SORBS2: variants seen among roughly 807,000 people sequenced by gnomAD.
The protein encoded by SORBS2 is sorbin and SH3 domain containing 2, also known as sorbin and SH3 domain-containing protein 2.
In SORBS2, 46 loss-of-function variants were observed where a neutral mutation model predicts 97.7. The observed-to-expected ratio is 0.47, with a 90% CI of 0.37 to 0.60. The LOEUF (loss-of-function observed/expected upper bound fraction) is 0.60. Among genes scored for constraint, SORBS2 ranks in the 20% least tolerant of loss-of-function variants. The pLI, the probability that SORBS2 is intolerant of heterozygous loss-of-function variation, is 0.00. For synonymous variants in SORBS2, 476 were observed against 473.4 expected (o/e 1.01, Z -0.07); for missense variants, 1,316 against 1,282.3 (o/e 1.03, Z -0.40).
intron 1 of SORBS2, among the ~76,000 whole-genome samples, chr4:185,896,349 C>T (rs957915389): frequency 1.8e-4 from 27 of 152,084 alleles, no homozygotes; most frequent in African/African-American, 5.3e-4. Flanking sequence ...TTTGGGAGGC[C>T]GAGGCAGGTG....
exon 5 of SORBS2, chr4:185,630,563 C>T (rs2096890384): frequency 6.3e-7 from 1 of 1,594,156 alleles, no homozygotes; most frequent in Non-Finnish European, 8.6e-7. Flanking sequence ...TGGGTCTTTC[C>T]AGGCTTCTGT....
chr4:185,877,226 T>C (rs1464609220), intron 1 of SORBS2, among the ~76,000 whole-genome samples: 2 of 152,180 alleles, frequency 1.3e-5, no homozygotes, highest in African/African-American at 2.4e-5. Context: ...AAACCTATTA[T>C]TATAATTTAC....
rs143328011 is a variant in SORBS2, at chr4:185,832,849, G to A, written c.-337-57483C>T. 5.6e-3 allele frequency among the ~76,000 whole-genome samples: 854 copies of A among 152,270 alleles called. 16 individuals are homozygous for A. The highest frequency in any genetic ancestry group is 0.043 in the Admixed American group (653 of 15,288). Reference sequence around the variant, plus strand: ...ACAGTAACCTACTTTCACAGCATAGGTTGGAGACCGTTTCTGAACAAGATA... The same window carrying A: ...ACAGTAACCTACTTTCACAGCATAGATTGGAGACCGTTTCTGAACAAGATA... On this transcript the variant is annotated intron_variant, in intron 1 of 20. Transcript: ENST00000284776.
chr4:185,899,911 G>A (rs2099246808), intron 1 of SORBS2, among the ~76,000 whole-genome samples: 1 of 152,158 alleles, frequency 6.6e-6, no homozygotes, highest in Admixed American at 6.5e-5. Context: ...GCCACAGCCT[G>A]GAGGAAAACA....
chr4:185,833,449 A>T (rs2099206244), intron 1 of SORBS2, among the ~76,000 whole-genome samples: 1 of 152,218 alleles, frequency 6.6e-6, no homozygotes, highest in Non-Finnish European at 1.5e-5. Flanking sequence ...AGTTTGCCTA[A>T]TTAAATCCTT....
rs528265386 is a variant in SORBS2, at chr4:185,930,749, C to T, written c.-338+25447G>A. On this transcript the variant is annotated intron_variant, in intron 1 of 20. Transcript: ENST00000284776. ...TCCTCCAATGCTATCCACTTGTTTC[C>T]AAGCAATGAAAAATCATAGTTTCTA... 5.9e-5 allele frequency among the ~76,000 whole-genome samples: 9 copies of T among 152,224 alleles called. No homozygotes were observed. In the East Asian group the frequency reaches 1.5e-3, roughly 26 times the overall value.
chr4:185,797,251 AT>A (rs1247301410), intron 1 of SORBS2, among the ~76,000 whole-genome samples: 1 of 152,114 alleles, frequency 6.6e-6, no homozygotes, highest in Non-Finnish European at 1.5e-5. Flanking sequence ...GGCTTGACTG[AT>A]TACATCCCTC....
At chr4:185,614,755 G>T in intron 11 of SORBS2, 76 bp downstream of exon 23, 1 of 1,523,072 alleles carries the variant, frequency 6.6e-7, no homozygotes. Context: ...TTTTAGTTTT[G>T]AAAATATACA....
intron 1 of SORBS2, among the ~76,000 whole-genome samples, chr4:185,813,927 G>T (rs2099191401): frequency 6.6e-6 from 1 of 152,074 alleles, no homozygotes; most frequent in South Asian, 2.1e-4. Context: ...AGCCAATCTG[G>T]TCCATGTCTT....
At chr4:185,750,151 A>T (rs528796947) in intron 2 of SORBS2, among the ~76,000 whole-genome samples, 4 of 152,358 alleles carry the variant, frequency 2.6e-5, no homozygotes, top group African/African-American at 7.2e-5. Context: ...CCTGCCACTC[A>T]CTAGACATGT....
intron 2 of SORBS2, among the ~76,000 whole-genome samples, chr4:185,717,336 C>A (rs1190562846): frequency 1.3e-5 from 2 of 152,204 alleles, no homozygotes; most frequent in Non-Finnish European, 2.9e-5. Flanking sequence ...TTTTCTGTTA[C>A]TTCCTGTGAG....
intron 2 of SORBS2, among the ~76,000 whole-genome samples, chr4:185,741,444 C>T (rs1323808283): frequency 3.0e-5 from 4 of 131,280 alleles, no homozygotes; most frequent in African/African-American, 8.8e-5. Context: ...CGCTCTGTCG[C>T]CCAGGCTGAA....
At chr4:185,924,635 T>C (rs1405659174) in intron 1 of SORBS2, among the ~76,000 whole-genome samples, 1 of 152,148 alleles carries the variant, frequency 6.6e-6, no homozygotes, top group Non-Finnish European at 1.5e-5. Context: ...ATTAAAAGAC[T>C]AGGGTGGGAG....
At chr4:185,849,744 A>G (rs1374194037) in intron 1 of SORBS2, among the ~76,000 whole-genome samples, 1 of 152,152 alleles carries the variant, frequency 6.6e-6, no homozygotes, top group Non-Finnish European at 1.5e-5. Context: ...AATTCCAATG[A>G]ATGTGTAACT....
Position 185,623,923 on chromosome 4 carries a change from C to G in SORBS2, c.1206G>C (p.Thr402=), listed in dbSNP as rs760113468. The G allele has an allele frequency of 1.7e-5, 27 of 1,614,090 alleles. No homozygotes were observed. The highest frequency in any genetic ancestry group is 2.3e-5 in the Non-Finnish European group (27 of 1,180,052). The change falls in exon 7 of 15, where the codon ACG becomes ACC. Residue 402 remains threonine, a synonymous_variant. Transcript: ENST00000418609. The surrounding 1 kb of genome is among the most constrained non-coding windows in gnomAD (Gnocchi z 6.4). ...GCACCATGTCCCGGGGCACCTCCTC[C>G]GTGGAGCACTGGCTCCAGGCGCGCA... is the stretch of plus-strand genomic sequence containing the variant.
intron 8 of SORBS2, among the ~76,000 whole-genome samples, chr4:185,618,842 C>T (rs2096666243): frequency 6.6e-6 from 1 of 152,162 alleles, no homozygotes; most frequent in Admixed American, 6.5e-5. Flanking sequence ...TATTCACCAT[C>T]ATATTTAATC....
chr4:185,767,409 G>A (rs13147351), intron 2 of SORBS2, among the ~76,000 whole-genome samples: 13,228 of 105,796 alleles, frequency 0.13, 1,907 homozygotes, highest in Middle Eastern at 0.19. Flanking sequence ...CTGAGGCAGG[G>A]GAATGGCGTG....
At chr4:185,716,956 A>G (rs967290414) in intron 2 of SORBS2, among the ~76,000 whole-genome samples, 1 of 152,234 alleles carries the variant, frequency 6.6e-6, no homozygotes, top group African/African-American at 2.4e-5. Context: ...GATTTTGATT[A>G]CTAGTGACAT....
In SORBS2 at chr4:185,623,925, T is replaced by C; in HGVS notation, c.1204A>G (p.Thr402Ala). The stretch of plus-strand genomic sequence containing the variant: ...ACCATGTCCCGGGGCACCTCCTCCG[T>C]GGAGCACTGGCTCCAGGCGCGCAGC... Residue 402 changes from threonine to alanine, a missense_variant, in exon 7 of 15, where the codon ACG (threonine) becomes GCG (alanine). By Grantham distance (58) the Thr-to-Ala change is moderately conservative. Coordinates refer to ENST00000418609, the Ensembl canonical transcript of SORBS2. The surrounding 1 kb of genome is among the most constrained non-coding windows in gnomAD (Gnocchi z 6.4). The C allele has an allele frequency of 1.2e-6, 2 of 1,614,200 alleles. 1 individual carries two copies. Among genetic ancestry groups the C allele is most frequent in the South Asian group, 2.2e-5 (2 of 91,082 alleles).
Sources: gnomAD v4.1 joint callset for allele counts (sites outside exome capture counted in the v4.1 genomes callset) on GRCh38, gnomAD v4.1.1 for gene constraint, Gnocchi (gnomAD v3.1) non-coding constraint, MANE v1.5 for transcripts, NCBI Gene and HGNC (gene_info 2026-07-23, HGNC 2026-07-21) for gene names.